KCTD8: variants seen among roughly 807,000 people sequenced by gnomAD.
The protein encoded by KCTD8 is BTB/POZ domain-containing protein KCTD8.
Under a neutral mutation model 31.5 loss-of-function variants are expected in KCTD8, and 27 were observed. The observed-to-expected ratio is 0.86, with a 90% confidence interval of 0.63 to 1.18. The LOEUF (loss-of-function observed/expected upper bound fraction) is 1.18. Among genes scored for constraint, KCTD8 ranks in the 50% most tolerant of loss-of-function variants. The pLI is 0.00. For synonymous variants in KCTD8, 290 were observed against 280.0 expected, an observed-to-expected ratio of 1.04 and a Z score of -0.36; for missense variants, 658 against 647.7, an observed-to-expected ratio of 1.02 and a Z score of -0.17.
rs1321559669 is a variant in KCTD8 at position 44,174,769 on chromosome 4, A to C, written c.*21T>G. 1 of 1,543,092 alleles carries C rather than the reference A, an allele frequency of 6.5e-7. No individual in the cohort carries two copies. The highest frequency in any genetic ancestry group is 8.8e-7 in the Non-Finnish European group (1 of 1,135,960). ...AGTAAACATTGAATGTCATCAAAAT[A>C]CTGCAGGAATGTGACAATTACTATA... On this transcript the variant is annotated 3_prime_UTR_variant, in exon 2 of 2. Coordinates refer to ENST00000360029, the MANE Select transcript of KCTD8 (RefSeq NM_198353.3).
intron 1 of KCTD8, among the ~76,000 whole-genome samples, chr4:44,319,156 T>C (rs555382246): frequency 1.3e-5 from 2 of 152,130 alleles, no homozygotes; most frequent in South Asian, 4.2e-4. Flanking sequence ...CCACAGATAA[T>C]GGAAGATAGA....
rs560107360 is a variant in KCTD8 at position 44,279,406 on chromosome 4, A to G, written c.962-104156T>C. 5.9e-4 allele frequency among the ~76,000 whole-genome samples: 90 copies of G among 152,100 alleles called. No individual in the cohort carries two copies. In the Middle Eastern group the frequency reaches 0.01, roughly 17 times the overall value. On this transcript the variant is annotated intron_variant, in intron 1 of 1. Coordinates refer to ENST00000360029, the MANE Select transcript of KCTD8 (RefSeq NM_198353.3). Reference sequence around the variant, plus strand: ...CCATGCTTTCAACTTGCTCCCTTCTATCTTCAAGCCAGCCATGGTGCTTGG... The same window carrying G: ...CCATGCTTTCAACTTGCTCCCTTCTGTCTTCAAGCCAGCCATGGTGCTTGG...
chr4:44,431,584 A>T lies in KCTD8; in HGVS notation c.961+15979T>A, dbSNP rs149053050. Among the ~76,000 whole-genome samples, 1,054 of 151,604 alleles carry T rather than the reference A, an allele frequency of 7.0e-3. 14 individuals carry two copies. The highest frequency in any genetic ancestry group is 0.024 in the African/African-American group (979 of 41,446). On this transcript the variant is annotated intron_variant, in intron 1 of 1. Transcript: ENST00000360029. ...ATAAAAAAATTTAATTTTAAAAACA[A>T]CAACAACAAAAAAAACCTTACTCTA...
Position 44,316,134 on chromosome 4 carries a change from C to T in KCTD8, c.961+131429G>A, listed in dbSNP as rs994176106. On this transcript the variant is annotated intron_variant, in intron 1 of 1. Coordinates refer to ENST00000360029, the MANE Select transcript of KCTD8 (RefSeq NM_198353.3). Reference sequence around the variant, plus strand: ...TGTTTCTTTTCTGTCCAAATTCTGTCAAATTTCCTTGATTTTTTTCTTTCA... The same window carrying T: ...TGTTTCTTTTCTGTCCAAATTCTGTTAAATTTCCTTGATTTTTTTCTTTCA... 2.6e-5 allele frequency among the ~76,000 whole-genome samples: 4 copies of T among 151,968 alleles called. No individual in the cohort carries two copies. The South Asian group carries it at 8.3e-4, about 31-fold the overall frequency.
rs1466034632 is a variant in KCTD8, at chr4:44,225,798, T to C, written c.962-50548A>G. ...GTGGTTTGCTGCACCTATCAACCCG[T>C]CACCTAGGTTTTGTCTCTTTTTTTT... On this transcript the variant is annotated intron_variant, in intron 1 of 1. Coordinates refer to ENST00000360029, the MANE Select transcript of KCTD8 (RefSeq NM_198353.3). Among the ~76,000 whole-genome samples the C allele has an allele frequency of 2.0e-5, 3 of 150,180 alleles. No homozygotes were observed. In the Admixed American group the frequency reaches 2.0e-4, roughly 10 times the overall value.
chr4:44,345,269 C>A (rs1360789013), intron 1 of KCTD8, among the ~76,000 whole-genome samples: 2 of 151,822 alleles, frequency 1.3e-5, no homozygotes, highest in East Asian at 3.9e-4. Flanking sequence ...ATAAACTGTT[C>A]TAATGAATAA....
intron 1 of KCTD8, among the ~76,000 whole-genome samples, chr4:44,296,119 C>T (rs1279831114): frequency 2.0e-5 from 3 of 152,116 alleles, no homozygotes; most frequent in Non-Finnish European, 2.9e-5. Flanking sequence ...TAAGAAATGG[C>T]AGCATAGTGC....
intron 1 of KCTD8, among the ~76,000 whole-genome samples, chr4:44,403,338 A>G (rs1720709746): frequency 6.6e-6 from 1 of 152,044 alleles, no homozygotes; most frequent in Non-Finnish European, 1.5e-5. Flanking sequence ...AGGAATGGCT[A>G]AATTATCTAC....
chr4:44,351,883 T>TA (rs1719203919), intron 1 of KCTD8, among the ~76,000 whole-genome samples: 1 of 152,118 alleles, frequency 6.6e-6, no homozygotes, highest in African/African-American at 2.4e-5. Flanking sequence ...TTCCAACTTA[T>TA]TCAGTCAACA....
intron 1 of KCTD8, among the ~76,000 whole-genome samples, chr4:44,394,808 T>C (rs1026409564): frequency 2.0e-5 from 3 of 152,134 alleles, no homozygotes; most frequent in Non-Finnish European, 2.9e-5. Flanking sequence ...TAATTGAGCA[T>C]GAATTTACCA....
chr4:44,227,552 G>A (rs1715001827), intron 1 of KCTD8, among the ~76,000 whole-genome samples: 1 of 152,188 alleles, frequency 6.6e-6, no homozygotes, highest in Non-Finnish European at 1.5e-5. Context: ...GTGACAGAGT[G>A]TATGTAGTTG....
intron 1 of KCTD8, among the ~76,000 whole-genome samples, chr4:44,418,071 A>G (rs143434385): frequency 0.011 from 1,619 of 152,310 alleles, 13 homozygotes; most frequent in Middle Eastern, 0.034. Flanking sequence ...GATGAATGCT[A>G]TAATACAGAT....
At chr4:44,360,717 G>A (rs1719472796) in intron 1 of KCTD8, among the ~76,000 whole-genome samples, 2 of 151,932 alleles carry the variant, frequency 1.3e-5, no homozygotes, top group African/African-American at 4.8e-5. Context: ...TTTAGTGTCT[G>A]AAGGCTTTTA....
At chr4:44,252,329 A>C (rs1715866842) in intron 1 of KCTD8, among the ~76,000 whole-genome samples, 1 of 151,682 alleles carries the variant, frequency 6.6e-6, no homozygotes, top group South Asian at 2.1e-4. Context: ...ACGTGTGTGT[A>C]AGTATATTTT....
chr4:44,265,232 C>A lies in KCTD8; in HGVS notation c.962-89982G>T, dbSNP rs556732086. 1.4e-4 allele frequency among the ~76,000 whole-genome samples: 21 copies of A among 152,208 alleles called. No individual in the cohort carries two copies. In the South Asian group the frequency reaches 4.1e-3, roughly 30 times the overall value. ...CGATCAGACAGCAGCATTCACGGTT[C>A]ACGAAAATCCGCTGTTCTGCAGACA... On this transcript the variant is annotated intron_variant, in intron 1 of 1. Transcript: ENST00000360029.
chr4:44,331,740 T>C (rs1718595257), intron 1 of KCTD8, among the ~76,000 whole-genome samples: 1 of 149,502 alleles, frequency 6.7e-6, no homozygotes, highest in Non-Finnish European at 1.5e-5. Context: ...TTTATATATA[T>C]ATATATGTAC....
In KCTD8 at chr4:44,448,590, C is replaced by T; in HGVS notation, c.-67G>A. ...TTTCTCGTTCCCGGAGCCCGCGCCC[C>T]AGCCCTCCGCGTGCTCCTGGCGCTC... is the stretch of plus-strand genomic sequence containing the variant. On this transcript the variant is annotated 5_prime_UTR_variant, in exon 1 of 2. Transcript: ENST00000360029. The surrounding 1 kb of genome is among the most constrained non-coding windows in gnomAD (Gnocchi z 4.1). The T allele has an allele frequency of 1.5e-6, 2 of 1,367,866 alleles. No homozygotes were observed. Among genetic ancestry groups the T allele is most frequent in the African/African-American group, 1.5e-5 (1 of 66,344 alleles). The allele number at this position is 1,367,866 out of a possible 1,614,324, so 84.7% of individuals were successfully genotyped here.
intron 1 of KCTD8, among the ~76,000 whole-genome samples, chr4:44,305,466 TAAAGAG>T (rs780666077): frequency 1.5e-4 from 23 of 151,724 alleles, no homozygotes; most frequent in Non-Finnish European, 2.8e-4. Flanking sequence ...AAAGCAAAGA[TAAAGAG>T]AATCACTTCT....
intron 1 of KCTD8, among the ~76,000 whole-genome samples, chr4:44,385,304 T>C (rs542769492): frequency 6.6e-6 from 1 of 151,504 alleles, no homozygotes; most frequent in South Asian, 2.1e-4. Flanking sequence ...TCAAAACCTA[T>C]TACAGATCTA....
Sources: gnomAD v4.1 joint callset for allele counts (sites outside exome capture counted in the v4.1 genomes callset) on GRCh38, gnomAD v4.1.1 for gene constraint, Gnocchi (gnomAD v3.1) non-coding constraint, MANE v1.5 for transcripts, NCBI Gene and HGNC (gene_info 2026-07-23, HGNC 2026-07-21) for gene names.